SCD5: variants seen among roughly 807,000 people sequenced by gnomAD.
The protein encoded by SCD5 is acyl-CoA-desaturase 4.
SCD5 carries 20 observed loss-of-function variants against 30.4 expected under a neutral mutation model. That is an observed-to-expected ratio of 0.66 (90% CI 0.46 to 0.96). The LOEUF (loss-of-function observed/expected upper bound fraction) is 0.96. Among genes scored for constraint, SCD5 ranks in the 40% least tolerant of loss-of-function variants. The pLI is 0.00. For missense variants in SCD5, 381 were observed against 443.3 expected (o/e 0.86, Z 1.26); for synonymous variants, 173 against 176.4 (o/e 0.98, Z 0.16).
chr4:82,661,944 G>A (rs1017294095), intron 3 of SCD5, among the ~76,000 whole-genome samples: 1 of 152,196 alleles, frequency 6.6e-6, no homozygotes, highest in African/African-American at 2.4e-5. Flanking sequence ...TCTGGACAGG[G>A]ACGTGGGGAC....
At chr4:82,788,564 T>A (rs1036535849) in intron 1 of SCD5, among the ~76,000 whole-genome samples, 1 of 152,156 alleles carries the variant, frequency 6.6e-6, no homozygotes, top group Non-Finnish European at 1.5e-5. Flanking sequence ...CTAATTTTTG[T>A]ATTTTTAGTA....
chr4:82,691,501 T>A (rs1269158926), intron 2 of SCD5, among the ~76,000 whole-genome samples: 1 of 151,964 alleles, frequency 6.6e-6, no homozygotes, highest in East Asian at 1.9e-4. Flanking sequence ...TGAGATGAGG[T>A]CTAAGACACA....
At chr4:82,717,340 A>C (rs1720249397) in intron 1 of SCD5, among the ~76,000 whole-genome samples, 1 of 151,606 alleles carries the variant, frequency 6.6e-6, no homozygotes, top group South Asian at 2.1e-4. Flanking sequence ...AAGAGCAAAC[A>C]CATTCATTGC....
At chr4:82,748,179 G>A (rs1721032554) in intron 1 of SCD5, among the ~76,000 whole-genome samples, 1 of 152,152 alleles carries the variant, frequency 6.6e-6, no homozygotes, top group South Asian at 2.1e-4. Context: ...AGTCTTAAAT[G>A]GGAAGTAGAA....
intron 1 of SCD5, among the ~76,000 whole-genome samples, chr4:82,742,367 G>A (rs934943919): frequency 1.3e-5 from 2 of 152,162 alleles, no homozygotes; most frequent in African/African-American, 2.4e-5. Context: ...AGGTCTGACC[G>A]GGTCCTGTCT....
At chr4:82,769,406 TG>T (rs1343636177) in intron 1 of SCD5, among the ~76,000 whole-genome samples, 1 of 152,232 alleles carries the variant, frequency 6.6e-6, no homozygotes, top group Non-Finnish European at 1.5e-5. Context: ...AAGTAGGTAG[TG>T]TTTTCCAGAG....
At chr4:82,666,582 T>C (rs1223675687) in intron 3 of SCD5, among the ~76,000 whole-genome samples, 2 of 151,350 alleles carry the variant, frequency 1.3e-5, no homozygotes, top group Non-Finnish European at 3.0e-5. Flanking sequence ...CTACATAGCC[T>C]AGAAAGAGAA....
intron 1 of SCD5, among the ~76,000 whole-genome samples, chr4:82,724,136 T>C (rs1208193675): frequency 1.3e-5 from 2 of 152,240 alleles, no homozygotes; most frequent in Non-Finnish European, 2.9e-5. Flanking sequence ...GGGTGTTTAC[T>C]GTATTATTCT....
chr4:82,758,113 A>T (rs960556487), intron 1 of SCD5, among the ~76,000 whole-genome samples: 1 of 152,206 alleles, frequency 6.6e-6, no homozygotes, highest in Admixed American at 6.5e-5. Context: ...CGTTCAGAGG[A>T]TGACAGTGAA....
intron 2 of SCD5, among the ~76,000 whole-genome samples, chr4:82,684,245 T>C (rs1446003047): frequency 1.3e-5 from 2 of 152,198 alleles, no homozygotes; most frequent in Non-Finnish European, 2.9e-5. Flanking sequence ...ATCAAGCACA[T>C]AATGAAGCCA....
At chr4:82,660,645 T>A (rs1169755161) in intron 3 of SCD5, 3 of 1,385,534 alleles carry the variant, frequency 2.2e-6, no homozygotes, top group Admixed American at 3.0e-5. Flanking sequence ...AAATAGAATC[T>A]CAGAGACAGA....
intron 1 of SCD5, among the ~76,000 whole-genome samples, chr4:82,788,421 C>T (rs1378491620): frequency 1.3e-5 from 2 of 151,838 alleles, no homozygotes; most frequent in Admixed American, 6.6e-5. Flanking sequence ...ATGACAGTCT[C>T]GCTCCGTCAC....
intron 1 of SCD5, among the ~76,000 whole-genome samples, chr4:82,774,366 A>T (rs531145349): frequency 6.6e-6 from 1 of 152,328 alleles, no homozygotes; most frequent in South Asian, 2.1e-4. Context: ...GCATGAAAAA[A>T]CAGCTAACAA....
chr4:82,768,796 T>G (rs181376623), intron 1 of SCD5, among the ~76,000 whole-genome samples: 31 of 152,252 alleles, frequency 2.0e-4, no homozygotes, highest in Admixed American at 1.2e-3. Flanking sequence ...GTTTTGCCTC[T>G]TGTCCCCCAG....
chr4:82,782,912 C>T (rs978456158), intron 1 of SCD5, among the ~76,000 whole-genome samples: 55 of 152,162 alleles, frequency 3.6e-4, no homozygotes, highest in African/African-American at 1.3e-3. Flanking sequence ...AGCCACACAA[C>T]AATACTGAGG....
chr4:82,785,991 T>C (rs1463874740), intron 1 of SCD5, among the ~76,000 whole-genome samples: 2 of 152,218 alleles, frequency 1.3e-5, no homozygotes, highest in South Asian at 2.1e-4. Context: ...TGATAAACTA[T>C]TCCACGGGAC....
chr4:82,729,090 A>G (rs1397985957), intron 1 of SCD5, among the ~76,000 whole-genome samples: 2 of 152,218 alleles, frequency 1.3e-5, no homozygotes, highest in South Asian at 2.1e-4. Flanking sequence ...CAACCTCACC[A>G]ATCCACCTCA....
chr4:82,660,459 G>T (rs1727972188), intron 3 of SCD5: 2 of 924,596 alleles, frequency 2.2e-6, no homozygotes, highest in Admixed American at 5.3e-5. Flanking sequence ...AACGTGTACA[G>T]GTTTTTAGAA....
At chr4:82,767,368 C>T (rs560978917) in intron 1 of SCD5, among the ~76,000 whole-genome samples, 45 of 152,304 alleles carry the variant, frequency 3.0e-4, no homozygotes, top group African/African-American at 9.9e-4. Flanking sequence ...CCTCCCCAGA[C>T]TTCTAGCTCT....
Sources: allele counts gnomAD v4.1 joint callset (sites outside exome capture counted in the v4.1 genomes callset), GRCh38; gene constraint gnomAD v4.1.1; transcripts MANE v1.5; gene names NCBI Gene and HGNC (gene_info 2026-07-23, HGNC 2026-07-21).